STARD13: variants seen among roughly 807,000 people sequenced by gnomAD.
The protein encoded by STARD13 is stAR-related lipid transfer protein 13.
In STARD13, 62 loss-of-function variants were observed where a neutral mutation model predicts 106.4. The ratio of observed to expected loss-of-function variants is 0.58; its 90% CI spans 0.48 to 0.72. The LOEUF is 0.72. Ranked by LOEUF, STARD13 falls within the 30% of genes least tolerant of loss-of-function variation. STARD13 has a pLI of 0.00. For missense variants in STARD13, 1,387 were observed against 1,424.0 expected, an observed-to-expected ratio of 0.97 and a Z score of 0.42; for synonymous variants, 565 against 553.0, an observed-to-expected ratio of 1.02 and a Z score of -0.31.
At chr13:33,440,581 T>G in the STARD13 span, among the ~76,000 whole-genome samples, 1 of 151,736 alleles carries the variant, frequency 6.6e-6, no homozygotes, top group African/African-American at 2.4e-5. Context: ...TGTGCCCTTC[T>G]TATATGCTGA....
exon 1 of STARD13, chr13:33,350,375 C>G: frequency 2.0e-6 from 3 of 1,534,080 alleles, no homozygotes; most frequent in Non-Finnish European, 2.6e-6. Context: ...TGATGGATCT[C>G]CTGAGCTGCG....
At chr13:33,609,217 A>G in the STARD13 span, among the ~76,000 whole-genome samples, 1 of 152,288 alleles carries the variant, frequency 6.6e-6, no homozygotes, top group Non-Finnish European at 1.5e-5. Flanking sequence ...ATGTGTAGAA[A>G]CCACATATAA....
At chr13:33,323,019 T>TA (rs1893615700) in intron 1 of STARD13, among the ~76,000 whole-genome samples, 1 of 152,218 alleles carries the variant, frequency 6.6e-6, no homozygotes, top group Admixed American at 6.5e-5. Flanking sequence ...TGTAACAGAA[T>TA]AAGAGAAGAA....
chr13:33,553,036 AAAT>A, the STARD13 span, among the ~76,000 whole-genome samples: 1 of 152,208 alleles, frequency 6.6e-6, no homozygotes. Context: ...AGATTAAACA[AAAT>A]AAGAAATAAA....
Position 33,129,150 on chromosome 13 carries a change from A to G in STARD13, c.1527T>C (p.Pro509=). Residue 509 remains proline (P), a synonymous_variant, in exon 5 of 14, where the codon CCT becomes CCC. Coordinates refer to ENST00000336934, the MANE Select transcript of STARD13 (RefSeq NM_178006.4). ...VVDDWSKDVL[P]ELQTHDTLVG... ...CCAATGTATCATGAGTTTGCAGTTCAGGCAAGACATCTTTGGACCAGTCAT... is the reference window on the plus strand; with the variant it reads ...CCAATGTATCATGAGTTTGCAGTTCGGGCAAGACATCTTTGGACCAGTCAT... The G allele has an allele frequency of 6.2e-7, 1 of 1,614,210 alleles. No individual in the cohort carries two copies. The highest frequency in any genetic ancestry group is 8.5e-7 in the Non-Finnish European group (1 of 1,180,036).
chr13:33,671,322 G>C, the STARD13 span, among the ~76,000 whole-genome samples: 1 of 152,202 alleles, frequency 6.6e-6, no homozygotes, highest in Non-Finnish European at 1.5e-5. Flanking sequence ...CTTCCAATAT[G>C]GAAGCCTACC....
the STARD13 span, among the ~76,000 whole-genome samples, chr13:33,451,993 T>A: frequency 6.6e-6 from 1 of 152,204 alleles, no homozygotes; most frequent in Non-Finnish European, 1.5e-5. Flanking sequence ...AATAATTTAC[T>A]TCAAGAAACT....
intron 1 of STARD13, among the ~76,000 whole-genome samples, chr13:33,238,840 A>G (rs1310863874): frequency 6.6e-6 from 1 of 152,038 alleles, no homozygotes; most frequent in African/African-American, 2.4e-5. Context: ...ATGTTTTTTT[A>G]TTGTGGTAAA....
the STARD13 span, among the ~76,000 whole-genome samples, chr13:33,375,974 C>G: frequency 6.6e-6 from 1 of 151,974 alleles, no homozygotes; most frequent in African/African-American, 2.4e-5. Flanking sequence ...CTGGTTTTGA[C>G]CACATTACTT....
chr13:33,333,587 T>C (rs2077861608), intron 1 of STARD13: 1 of 152,128 alleles, frequency 6.6e-6, no homozygotes, highest in Non-Finnish European at 1.5e-5. Context: ...CACCTGAGGT[T>C]GGGATCATGG....
rs190601151 is a variant in STARD13, at chr13:33,141,201, G to A, written c.387+1109C>T. On this transcript the variant is annotated intron_variant, in intron 4 of 13. Transcript: ENST00000336934. ...GAATTTCCTAAAAAGAATCAATTCA[G>A]TGAAAAAGAGAGGCTGTACAGCACT... is the stretch of plus-strand genomic sequence containing the variant. Among the ~76,000 whole-genome samples the A allele has an allele frequency of 2.1e-3, 319 of 152,338 alleles. 3 individuals carry two copies. The highest frequency in any genetic ancestry group is 7.3e-3 in the African/African-American group (304 of 41,576).
chr13:33,373,473 TC>T, the STARD13 span, among the ~76,000 whole-genome samples: 152 of 152,266 alleles, frequency 1.0e-3, 3 homozygotes, highest in African/African-American at 3.6e-3. Context: ...GTTCATTTGT[TC>T]TTTGAACAGT....
intron 1 of STARD13, among the ~76,000 whole-genome samples, chr13:33,238,146 A>G (rs1481475852): frequency 6.6e-6 from 1 of 152,138 alleles, no homozygotes; most frequent in Non-Finnish European, 1.5e-5. Context: ...TCTTTTACTT[A>G]CTCATCCATT....
intron 12 of STARD13, among the ~76,000 whole-genome samples, chr13:33,107,875 A>G (rs1873986016): frequency 6.6e-6 from 1 of 152,098 alleles, no homozygotes; most frequent in Non-Finnish European, 1.5e-5. Context: ...CATTATTAGA[A>G]TTCCCATGAT....
the STARD13 span, among the ~76,000 whole-genome samples, chr13:33,618,920 A>G: frequency 1.3e-5 from 2 of 152,018 alleles, no homozygotes; most frequent in Non-Finnish European, 2.9e-5. Context: ...AGCTGGGACC[A>G]TAAGAATCTG....
chr13:33,146,817 G>C (rs1031288798), intron 3 of STARD13, among the ~76,000 whole-genome samples: 1 of 152,222 alleles, frequency 6.6e-6, no homozygotes, highest in African/African-American at 2.4e-5. Context: ...TAAGGACAGT[G>C]AGCTTTGTGA....
chr13:33,186,146 A>G, intron 1 of STARD13: 1 of 1,142,934 alleles, frequency 8.7e-7, no homozygotes, highest in East Asian at 2.6e-5. Flanking sequence ...TGAGATTCCA[A>G]GCCTCCACAC....
the STARD13 span, among the ~76,000 whole-genome samples, chr13:33,646,932 G>T: frequency 1.3e-5 from 2 of 152,028 alleles, no homozygotes; most frequent in Non-Finnish European, 2.9e-5. Context: ...AAAAATTAAT[G>T]ATAAAAAGAA....
the STARD13 span, among the ~76,000 whole-genome samples, chr13:33,662,194 G>A: frequency 3.3e-4 from 50 of 151,648 alleles, 1 homozygote; most frequent in African/African-American, 1.2e-3. Context: ...CCCCGGAGGC[G>A]GAGCTTGCAG....
Sources: gnomAD v4.1 joint callset for allele counts (sites outside exome capture counted in the v4.1 genomes callset) on GRCh38, gnomAD v4.1.1 for gene constraint, MANE v1.5 for transcripts, NCBI Gene and HGNC (gene_info 2026-07-23, HGNC 2026-07-21) for gene names.